The following ATXN7L1 variants were observed in gnomAD, a reference collection of about 807,000 sequenced individuals.
ATXN7L1 encodes ataxin 7 like 1, also known as ataxin-7-like protein 1.
ATXN7L1 carries 15 observed loss-of-function variants against 70.8 expected under a neutral mutation model. The observed-to-expected ratio is 0.21, with a 90% confidence interval of 0.14 to 0.33. The LOEUF is 0.33. ATXN7L1 is among the 10% of genes least tolerant of loss of function. ATXN7L1 has a pLI of 1.00. For synonymous variants in ATXN7L1, 440 were observed against 445.1 expected (o/e 0.99, Z 0.14); for missense variants, 975 against 1,097.1 (o/e 0.89, Z 1.57).
chr7:105,607,497 C>G lies in ATXN7L1; in HGVS notation c.*355G>C, dbSNP rs543175829. The G allele has an allele frequency of 4.1e-5, 11 of 265,514 alleles. No homozygotes were observed. The East Asian group carries it at 8.4e-4, about 20-fold the overall frequency. 16.4% of individuals were successfully genotyped at this position (265,514 alleles called of 1,614,324 possible). ...GCTTCAGAGCATGCCAACCTGGAAC[C>G]AACATTCTGCAATGTCTGCTCTCAT... On this transcript the variant is annotated 3_prime_UTR_variant, in exon 12 of 12. Coordinates refer to ENST00000419735, the MANE Select transcript of ATXN7L1 (RefSeq NM_020725.2).
At chr7:105,761,748 A>G (rs1383595449) in intron 3 of ATXN7L1, among the ~76,000 whole-genome samples, 1 of 152,128 alleles carries the variant, frequency 6.6e-6, no homozygotes, top group African/African-American at 2.4e-5. Context: ...CTGAATTCCT[A>G]TACCTTTTTA....
chr7:105,676,842 A>C (rs1804736916), intron 3 of ATXN7L1, among the ~76,000 whole-genome samples: 1 of 152,206 alleles, frequency 6.6e-6, no homozygotes, highest in African/African-American at 2.4e-5. Context: ...TCTGTCTCAA[A>C]AAAACAAAAC....
intron 10 of ATXN7L1, 79 bp downstream of exon 10, chr7:105,613,783 C>A (rs964911822): frequency 6.5e-7 from 1 of 1,547,750 alleles, no homozygotes; most frequent in Admixed American, 2.0e-5. Context: ...CCTGTCGGAG[C>A]CGCCCGGCTA....
At chr7:105,619,657 C>T (rs533361285) in intron 9 of ATXN7L1, among the ~76,000 whole-genome samples, 3 of 148,298 alleles carry the variant, frequency 2.0e-5, no homozygotes, top group Non-Finnish European at 3.0e-5. Flanking sequence ...CTGAAGCGAT[C>T]CTCCCACCCC....
chr7:105,718,314 C>T (rs924081177), intron 3 of ATXN7L1, among the ~76,000 whole-genome samples: 4 of 152,212 alleles, frequency 2.6e-5, no homozygotes, highest in African/African-American at 7.2e-5. Context: ...GGGTATTTTG[C>T]AGAATTGGAG....
intron 4 of ATXN7L1, among the ~76,000 whole-genome samples, chr7:105,650,064 A>C (rs181527225): frequency 6.6e-6 from 1 of 152,346 alleles, no homozygotes; most frequent in African/African-American, 2.4e-5. Flanking sequence ...AAGGAATTCA[A>C]TTTGGCTCTC....
chr7:105,858,415 T>C (rs1330953701), intron 2 of ATXN7L1, among the ~76,000 whole-genome samples: 2 of 152,164 alleles, frequency 1.3e-5, no homozygotes, highest in Non-Finnish European at 2.9e-5. Context: ...CAGATCAGAA[T>C]GACAGAATTT....
At chr7:105,870,471 A>G (rs1818091665) in intron 2 of ATXN7L1, among the ~76,000 whole-genome samples, 1 of 152,100 alleles carries the variant, frequency 6.6e-6, no homozygotes, top group Non-Finnish European at 1.5e-5. Context: ...ATTAATAATG[A>G]TAATAATAGT....
intron 2 of ATXN7L1, among the ~76,000 whole-genome samples, chr7:105,801,435 A>C (rs1478145635): frequency 6.6e-6 from 1 of 152,222 alleles, no homozygotes; most frequent in Non-Finnish European, 1.5e-5. Context: ...AATGCTTTTT[A>C]AGCAAGCTCC....
At chr7:105,660,031 G>A (rs980404507) in intron 4 of ATXN7L1, among the ~76,000 whole-genome samples, 2 of 151,894 alleles carry the variant, frequency 1.3e-5, no homozygotes, top group East Asian at 1.9e-4. Flanking sequence ...CTCTGCTGTC[G>A]TAATGCCTTC....
chr7:105,868,261 G>C (rs2116672009), intron 2 of ATXN7L1, among the ~76,000 whole-genome samples: 1 of 152,270 alleles, frequency 6.6e-6, no homozygotes, highest in South Asian at 2.1e-4. Flanking sequence ...CCCTATCAGA[G>C]CACTCATCGC....
At chr7:105,664,344 C>G (rs1460526199) in intron 4 of ATXN7L1, among the ~76,000 whole-genome samples, 1 of 151,410 alleles carries the variant, frequency 6.6e-6, no homozygotes. Flanking sequence ...TTCCCTGTTA[C>G]CCTTTTCTTA....
intron 3 of ATXN7L1, among the ~76,000 whole-genome samples, chr7:105,758,646 TGGCCACCAC>T (rs1345699523): frequency 6.6e-6 from 1 of 152,220 alleles, no homozygotes; most frequent in East Asian, 1.9e-4. Context: ...TAGGCCTCCC[TGGCCACCAC>T]CCAGTTTTTC....
intron 2 of ATXN7L1, among the ~76,000 whole-genome samples, chr7:105,855,992 T>G (rs1333668558): frequency 6.6e-6 from 1 of 152,264 alleles, no homozygotes; most frequent in Non-Finnish European, 1.5e-5. Flanking sequence ...CTGTATATCA[T>G]GTCTCTAGCT....
chr7:105,734,873 A>AAG (rs999876862), intron 3 of ATXN7L1, among the ~76,000 whole-genome samples: 1 of 152,144 alleles, frequency 6.6e-6, no homozygotes. Flanking sequence ...GGAGCAAGCA[A>AAG]AGAGAGAATA....
At chr7:105,808,838 TCTAA>T (rs1807997868) in intron 2 of ATXN7L1, among the ~76,000 whole-genome samples, 1 of 152,226 alleles carries the variant, frequency 6.6e-6, no homozygotes, top group South Asian at 2.1e-4. Context: ...CTTCCGTAGT[TCTAA>T]CTAAGCTTGA....
intron 9 of ATXN7L1, among the ~76,000 whole-genome samples, chr7:105,615,377 C>T (rs565743159): frequency 1.8e-4 from 27 of 152,304 alleles, no homozygotes; most frequent in East Asian, 5.8e-4. Flanking sequence ...AGTTGGGGAA[C>T]GGCCCTCTCC....
At chr7:105,816,909 C>T (rs1809279515) in intron 2 of ATXN7L1, among the ~76,000 whole-genome samples, 1 of 152,178 alleles carries the variant, frequency 6.6e-6, no homozygotes, top group South Asian at 2.1e-4. Flanking sequence ...AGTAATTTAC[C>T]CCAGCAGGTG....
chr7:105,760,604 C>T, intron 3 of ATXN7L1: 1 of 969,856 alleles, frequency 1.0e-6, no homozygotes. Flanking sequence ...GAGTCCCCAT[C>T]CTCACAGAGC....
Sources: allele counts gnomAD v4.1 joint callset (sites outside exome capture counted in the v4.1 genomes callset), GRCh38; gene constraint gnomAD v4.1.1; transcripts MANE v1.5; gene names NCBI Gene and HGNC (gene_info 2026-07-23, HGNC 2026-07-21).